Variants in SPATA12 observed in about 807,000 individuals in gnomAD.
SPATA12 encodes the protein spermatogenesis-associated protein 12.
For missense variants in SPATA12, 219 were observed against 226.4 expected, an observed-to-expected ratio of 0.97 and a Z score of 0.21; for synonymous variants, 85 against 89.2, an observed-to-expected ratio of 0.95 and a Z score of 0.26.
Position 57,067,285 on chromosome 3 carries a change from T to A in SPATA12, c.-329-6081T>A, listed in dbSNP as rs368021406. Among the ~76,000 whole-genome samples, 6 of 150,822 alleles carry A rather than the reference T, an allele frequency of 4.0e-5. No homozygotes were observed. The East Asian group carries it at 6.0e-4, about 15-fold the overall frequency. On this transcript the variant is annotated intron_variant, in intron 1 of 1. Coordinates refer to ENST00000334325, the MANE Select transcript of SPATA12 (RefSeq NM_181727.2). ...GCTAACACGGTGAAACCCTGTCTCTTCTAAAAATACAAAAACAAAATTAGC... is the reference window on the plus strand; with the variant it reads ...GCTAACACGGTGAAACCCTGTCTCTACTAAAAATACAAAAACAAAATTAGC...
intron 1 of SPATA12, among the ~76,000 whole-genome samples, chr3:57,069,058 G>C (rs932447276): frequency 6.6e-6 from 1 of 151,836 alleles, no homozygotes; most frequent in Non-Finnish European, 1.5e-5. Flanking sequence ...TAGTAACTGG[G>C]ATTACAGGCA....
intron 1 of SPATA12, among the ~76,000 whole-genome samples, chr3:57,070,600 T>G (rs552549454): frequency 6.6e-6 from 1 of 152,138 alleles, no homozygotes; most frequent in Non-Finnish European, 1.5e-5. Context: ...GGTCTCTTTT[T>G]GCAGAAACTA....
rs1705601519 is a variant in SPATA12, at chr3:57,067,365, G to A, written c.-329-6001G>A. 1.3e-5 allele frequency among the ~76,000 whole-genome samples: 2 copies of A among 151,564 alleles called. 1 individual carries two copies. The highest frequency in any genetic ancestry group is 4.1e-4 in the South Asian group (2 of 4,820). ...AGTTACTCGGGAGGCTGAGGCGGGAGAATGGCGTGAACCCAGGAGGCAGAG... is the reference window on the plus strand; with the variant it reads ...AGTTACTCGGGAGGCTGAGGCGGGAAAATGGCGTGAACCCAGGAGGCAGAG... On this transcript the variant is annotated intron_variant, in intron 1 of 1. Coordinates refer to ENST00000334325, the MANE Select transcript of SPATA12 (RefSeq NM_181727.2).
intron 1 of SPATA12, among the ~76,000 whole-genome samples, chr3:57,067,460 TAATA>T (rs1468845051): frequency 7.1e-6 from 1 of 141,598 alleles, no homozygotes; most frequent in Non-Finnish European, 1.5e-5. Context: ...CTCAAAATAA[TAATA>T]ATAATAATAA....
intron 1 of SPATA12, among the ~76,000 whole-genome samples, chr3:57,072,956 G>C (rs1287701928): frequency 6.6e-6 from 1 of 152,168 alleles, no homozygotes; most frequent in Non-Finnish European, 1.5e-5. Context: ...TGAAGCAGGA[G>C]AATCACTTGA....
chr3:57,067,454 A>AAAT (rs10528636), intron 1 of SPATA12, among the ~76,000 whole-genome samples: 6,407 of 140,390 alleles, frequency 0.046, 258 homozygotes, highest in African/African-American at 0.11. Context: ...CTCTGTCTCA[A>AAAT]AATAATAATA....
In SPATA12 at chr3:57,073,977, G is replaced by A. The variant is rs140828073; in HGVS notation, c.283G>A (p.Ala95Thr). ...ACAAGCAGCCATCTCTCTTGACATCGCTGTATCCCAAATAAATCTTCTGGG... is the reference window on the plus strand; with the variant it reads ...ACAAGCAGCCATCTCTCTTGACATCACTGTATCCCAAATAAATCTTCTGGG... ...YLQAAISLDI[A>T]VSQINLLGRP... Residue 95 changes from alanine to threonine, a missense_variant, in exon 2 of 2, where the codon GCT becomes ACT. Ala to Thr is a moderately conservative substitution (Grantham distance 58, BLOSUM62 0). Coordinates refer to ENST00000334325, the MANE Select transcript of SPATA12 (RefSeq NM_181727.2). 92 of 1,614,178 alleles carry A rather than the reference G, an allele frequency of 5.7e-5. No individual in the cohort carries two copies. Among genetic ancestry groups the A allele is most frequent in the East Asian group, 2.9e-4 (13 of 44,882 alleles).
intron 1 of SPATA12, among the ~76,000 whole-genome samples, chr3:57,066,254 C>T (rs1386323862): frequency 6.6e-6 from 1 of 151,750 alleles, no homozygotes; most frequent in Non-Finnish European, 1.5e-5. Flanking sequence ...CCAACCATTA[C>T]ACTTTTCCTT....
intron 1 of SPATA12, among the ~76,000 whole-genome samples, chr3:57,069,376 A>ACACAC (rs1705749598): frequency 1.4e-5 from 2 of 146,470 alleles, no homozygotes; most frequent in African/African-American, 5.0e-5. Context: ...CTGTCTCTCA[A>ACACAC]ACACACACAC....
At chr3:57,065,458 C>CA (rs1388524528) in intron 1 of SPATA12, among the ~76,000 whole-genome samples, 2 of 150,188 alleles carry the variant, frequency 1.3e-5, no homozygotes, top group Non-Finnish European at 3.0e-5. Flanking sequence ...AGGACTCCAT[C>CA]ACAAAACAAA....
At chr3:57,068,833 C>T (rs1404072102) in intron 1 of SPATA12, among the ~76,000 whole-genome samples, 2 of 151,980 alleles carry the variant, frequency 1.3e-5, no homozygotes, top group Admixed American at 6.5e-5. Flanking sequence ...GCACACACCC[C>T]CCTCACTAAA....
rs781422867 is a variant in SPATA12 at position 57,074,050 on chromosome 3, A to G, written c.356A>G (p.Glu119Gly). The part of the protein sequence containing the change: ...PALLIQQGSC[E>G]QVIHNSTPQF... ...CTCCTGATACAGCAAGGCAGTTGTG[A>G]GCAAGTTATTCATAACTCTACACCT... Residue 119 changes from glutamate (E) to glycine (G), a missense_variant, in exon 2 of 2, where the codon GAG becomes GGG. By Grantham distance (98) the Glu-to-Gly change is moderately conservative. Coordinates refer to ENST00000334325, the MANE Select transcript of SPATA12 (RefSeq NM_181727.2). The G allele has an allele frequency of 6.2e-6, 10 of 1,614,086 alleles. No homozygotes were observed.
At chr3:57,065,089 G>A (rs1205149290) in intron 1 of SPATA12, among the ~76,000 whole-genome samples, 1 of 152,246 alleles carries the variant, frequency 6.6e-6, no homozygotes, top group Non-Finnish European at 1.5e-5. Flanking sequence ...CTGTTTTTAA[G>A]TTGGGAGAAA....
At position 57,073,579 on chromosome 3, in the gene SPATA12, T is replaced by A; in HGVS notation, c.-116T>A. 6.9e-7 allele frequency: 1 copy of A among 1,448,824 alleles called. No individual in the cohort carries two copies. The highest frequency in any genetic ancestry group is 1.4e-5 in the African/African-American group (1 of 70,026). The allele number at this position is 1,448,824 out of a possible 1,614,324, so 89.7% of individuals were successfully genotyped here. On this transcript the variant is annotated 5_prime_UTR_variant, in exon 2 of 2. The change creates a new upstream start codon in the 5' untranslated region. Coordinates refer to ENST00000334325, the MANE Select transcript of SPATA12 (RefSeq NM_181727.2). ...GTGGTGGGGTGTGGCTGAAGGTGAA[T>A]TGGAACAGTGCACTCAGAGCCAGGT...
chr3:57,065,531 G>A (rs897494095), intron 1 of SPATA12, among the ~76,000 whole-genome samples: 2 of 152,184 alleles, frequency 1.3e-5, no homozygotes, highest in Non-Finnish European at 2.9e-5. Flanking sequence ...TCTGGAACTA[G>A]TGGTGATATC....
At chr3:57,070,139 C>G (rs1288283344) in intron 1 of SPATA12, among the ~76,000 whole-genome samples, 3 of 152,174 alleles carry the variant, frequency 2.0e-5, no homozygotes, top group Non-Finnish European at 4.4e-5. Context: ...TCTCCTATCA[C>G]CACCTGGTGC....
In SPATA12 at chr3:57,074,571, C is replaced by A; in HGVS notation, c.*304C>A. The A allele has an allele frequency of 3.0e-6, 1 of 328,236 alleles. No individual in the cohort carries two copies. Among genetic ancestry groups the A allele is most frequent in the East Asian group, 5.8e-5 (1 of 17,222 alleles). The allele number at this position is 328,236 out of a possible 1,614,324, so 20.3% of individuals were successfully genotyped here. A position where few individuals can be genotyped will look rare whatever the true frequency, so the allele number is the denominator to read the frequency against. On this transcript the variant is annotated 3_prime_UTR_variant, in exon 2 of 2. Transcript: ENST00000334325. ...AAATGACATCAATTGATCAATCAAT[C>A]GATCAATCAATGAAAGAGTGGGAGG...
intron 1 of SPATA12, among the ~76,000 whole-genome samples, chr3:57,070,404 G>A (rs571308877): frequency 1.3e-5 from 2 of 152,320 alleles, no homozygotes; most frequent in East Asian, 3.9e-4. Context: ...TTACATCGCT[G>A]GAGTTTTGTC....
Position 57,073,362 on chromosome 3 carries a change from C to T in SPATA12, c.-329-4C>T. The T allele has an allele frequency of 4.0e-6, 1 of 252,882 alleles. No homozygotes were observed. Among genetic ancestry groups the T allele is most frequent in the Non-Finnish European group, 7.5e-6 (1 of 132,490 alleles). The allele number at this position is 252,882 out of a possible 1,614,324, so 15.7% of individuals were successfully genotyped here. On this transcript the variant is annotated splice_region_variant and splice_polypyrimidine_tract_variant and intron_variant, in intron 1 of 1. Transcript: ENST00000334325. ...TAATCAGGATTTCTTATTTATGTTT[C>T]TAGCCAAAAGGGAAGGAAAGAGAGA... is the stretch of plus-strand genomic sequence containing the variant.
Sources: allele counts gnomAD v4.1 joint callset (sites outside exome capture counted in the v4.1 genomes callset), GRCh38; gene constraint gnomAD v4.1.1; transcripts MANE v1.5; gene names NCBI Gene and HGNC (gene_info 2026-07-23, HGNC 2026-07-21).